CEP112: variants seen among roughly 807,000 people sequenced by gnomAD.
The protein encoded by CEP112 is centrosomal protein 112.
CEP112 carries 127 observed loss-of-function variants against 153.0 expected under a neutral mutation model. The ratio of observed to expected loss-of-function variants is 0.83; its 90% CI spans 0.72 to 0.96. The LOEUF (loss-of-function observed/expected upper bound fraction) is 0.96. Among genes scored for constraint, CEP112 ranks in the 40% least tolerant of loss-of-function variants. The pLI is 0.00. For synonymous variants in CEP112, 358 were observed against 374.4 expected, an observed-to-expected ratio of 0.96 and a Z score of 0.51; for missense variants, 1,089 against 1,101.2, an observed-to-expected ratio of 0.99 and a Z score of 0.16.
intron 17 of CEP112, among the ~76,000 whole-genome samples, chr17:65,970,174 A>C (rs1250107478): frequency 6.6e-6 from 1 of 152,122 alleles, no homozygotes; most frequent in Non-Finnish European, 1.5e-5. Context: ...TGCATATTAC[A>C]TTTGTATTAC....
chr17:65,639,733 A>G (rs919323621), intron 25 of CEP112, among the ~76,000 whole-genome samples: 1 of 150,838 alleles, frequency 6.6e-6, no homozygotes. Context: ...GAATATGTAA[A>G]CTCTTTCTCA....
chr17:66,169,902 G>A (rs774779868), intron 4 of CEP112, among the ~76,000 whole-genome samples: 2 of 152,094 alleles, frequency 1.3e-5, no homozygotes, highest in Non-Finnish European at 2.9e-5. Flanking sequence ...GCTGAACTGG[G>A]TCTTCTGTTT....
At chr17:65,870,377 T>C (rs2058633597) in intron 20 of CEP112, among the ~76,000 whole-genome samples, 1 of 151,982 alleles carries the variant, frequency 6.6e-6, no homozygotes, top group African/African-American at 2.4e-5. Context: ...AAGTTAAAAC[T>C]AAAAAAGGAA....
At chr17:65,941,015 A>G (rs1162646625) in intron 18 of CEP112, among the ~76,000 whole-genome samples, 1 of 152,156 alleles carries the variant, frequency 6.6e-6, no homozygotes, top group East Asian at 1.9e-4. Flanking sequence ...AAATATATAC[A>G]ATTATGATTT....
At chr17:65,823,961 G>A (rs1438576147) in intron 21 of CEP112, among the ~76,000 whole-genome samples, 1 of 152,080 alleles carries the variant, frequency 6.6e-6, no homozygotes, top group African/African-American at 2.4e-5. Context: ...AATATGAAGG[G>A]TGCAACCTAA....
intron 6 of CEP112, among the ~76,000 whole-genome samples, chr17:66,124,697 G>A (rs549057210): frequency 7.1e-4 from 108 of 152,240 alleles, no homozygotes; most frequent in African/African-American, 2.6e-3. Context: ...TGGAGTCAAA[G>A]CTGGGAGTTA....
intron 12 of CEP112, among the ~76,000 whole-genome samples, chr17:66,048,157 G>A (rs1425664140): frequency 6.6e-6 from 1 of 151,586 alleles, no homozygotes; most frequent in Non-Finnish European, 1.5e-5. Flanking sequence ...TCACAAATGA[G>A]GAACCGATAG....
chr17:66,090,087 T>A (rs1036996350), intron 8 of CEP112, among the ~76,000 whole-genome samples: 2 of 152,038 alleles, frequency 1.3e-5, no homozygotes, highest in Non-Finnish European at 2.9e-5. Flanking sequence ...GGCAAAGCAG[T>A]CTTTCAGAAA....
chr17:65,931,768 CA>C (rs2061133837), intron 18 of CEP112, among the ~76,000 whole-genome samples: 1 of 152,232 alleles, frequency 6.6e-6, no homozygotes, highest in South Asian at 2.1e-4. Flanking sequence ...CAGATCCCTG[CA>C]TATCTGCAGA....
intron 1 of CEP112, among the ~76,000 whole-genome samples, chr17:66,183,590 A>C (rs2072805561): frequency 6.6e-6 from 1 of 152,198 alleles, no homozygotes; most frequent in Admixed American, 6.5e-5. Flanking sequence ...TGTACTCCAA[A>C]GCCACAGTAG....
chr17:65,804,664 T>C (rs2145852096), intron 21 of CEP112, among the ~76,000 whole-genome samples: 1 of 152,240 alleles, frequency 6.6e-6, no homozygotes, highest in Middle Eastern at 3.4e-3. Context: ...AGGGTAAATA[T>C]AAAATTTATT....
chr17:65,742,707 T>C (rs1196580174), intron 23 of CEP112, among the ~76,000 whole-genome samples: 1 of 152,060 alleles, frequency 6.6e-6, no homozygotes, highest in Non-Finnish European at 1.5e-5. Flanking sequence ...AGAATGCAAA[T>C]TGGAAGCTGA....
chr17:65,970,876 T>G (rs1199864668), intron 17 of CEP112, among the ~76,000 whole-genome samples: 1 of 50,070 alleles, frequency 2.0e-5, no homozygotes, highest in African/African-American at 5.9e-5. Flanking sequence ...CTGCATCGCA[T>G]TACATGCATA....
chr17:66,064,208 C>T (rs183670207), intron 10 of CEP112, among the ~76,000 whole-genome samples: 4 of 152,276 alleles, frequency 2.6e-5, no homozygotes, highest in Admixed American at 2.6e-4. Context: ...ATCCACAGGG[C>T]ATAACAGTGC....
intron 21 of CEP112, among the ~76,000 whole-genome samples, chr17:65,817,140 A>G (rs980001048): frequency 3.3e-5 from 5 of 151,934 alleles, no homozygotes; most frequent in South Asian, 2.1e-4. Context: ...GATGATTTAT[A>G]TAGGTATATA....
chr17:65,707,191 T>C (rs935291210), intron 23 of CEP112, among the ~76,000 whole-genome samples: 12 of 152,216 alleles, frequency 7.9e-5, no homozygotes, highest in African/African-American at 2.9e-4. Context: ...GTAGGAGTTA[T>C]CATTGAATCC....
intron 6 of CEP112, among the ~76,000 whole-genome samples, chr17:66,124,286 T>TGAGA (rs1465616678): frequency 6.6e-6 from 1 of 152,188 alleles, no homozygotes; most frequent in African/African-American, 2.4e-5. Context: ...TCTCTGGCTC[T>TGAGA]GAGAGCTTCT....
At chr17:66,019,700 T>TA (rs752088264) in intron 16 of CEP112, among the ~76,000 whole-genome samples, 2 of 152,182 alleles carry the variant, frequency 1.3e-5, no homozygotes, top group Non-Finnish European at 2.9e-5. Context: ...GTAACGTTAT[T>TA]AAAAAGCTAG....
intron 17 of CEP112, among the ~76,000 whole-genome samples, chr17:65,978,417 C>T (rs1181005663): frequency 1.3e-5 from 2 of 152,180 alleles, no homozygotes; most frequent in East Asian, 3.9e-4. Flanking sequence ...CGGTGTGCCC[C>T]GGAGCAAGGC....
Sources: allele counts gnomAD v4.1 joint callset (sites outside exome capture counted in the v4.1 genomes callset), GRCh38; gene constraint gnomAD v4.1.1; transcripts MANE v1.5; gene names NCBI Gene and HGNC (gene_info 2026-07-23, HGNC 2026-07-21).